Variants in TMEM117 observed in about 807,000 individuals in gnomAD.
TMEM117 encodes the protein transmembrane protein 117.
TMEM117 carries 27 observed loss-of-function variants against 52.4 expected under a neutral mutation model. The ratio of observed to expected loss-of-function variants is 0.51; its 90% CI spans 0.38 to 0.71. The LOEUF is 0.71. Ranked by LOEUF, TMEM117 falls within the 30% of genes least tolerant of loss-of-function variation. The probability of loss-of-function intolerance (pLI) is 0.00; values close to 1 mark genes in which losing one functional copy is unlikely to be tolerated. For synonymous variants in TMEM117, 215 were observed against 206.3 expected, an observed-to-expected ratio of 1.04 and a Z score of -0.36; for missense variants, 556 against 630.5, an observed-to-expected ratio of 0.88 and a Z score of 1.26.
At chr12:44,214,835 G>A (rs1372503400) in intron 5 of TMEM117, among the ~76,000 whole-genome samples, 2 of 151,964 alleles carry the variant, frequency 1.3e-5, no homozygotes, top group African/African-American at 4.8e-5. Context: ...AAAAGCTGAT[G>A]GAAAAAGTTG....
intron 2 of TMEM117, among the ~76,000 whole-genome samples, chr12:43,856,159 T>C (rs1197936230): frequency 6.6e-6 from 1 of 152,204 alleles, no homozygotes; most frequent in Non-Finnish European, 1.5e-5. Context: ...AAGGACTTTT[T>C]TGGGGAAATT....
intron 6 of TMEM117, among the ~76,000 whole-genome samples, chr12:44,302,580 C>G (rs1449763726): frequency 6.6e-6 from 1 of 152,200 alleles, no homozygotes; most frequent in Admixed American, 6.5e-5. Flanking sequence ...ATCAATATGT[C>G]ACTTTTTCCT....
intron 4 of TMEM117, among the ~76,000 whole-genome samples, chr12:44,180,125 A>G (rs1217066247): frequency 6.6e-6 from 1 of 152,082 alleles, no homozygotes; most frequent in Non-Finnish European, 1.5e-5. Flanking sequence ...GGCACCAAAA[A>G]ATGTGGCCCC....
At chr12:44,062,544 T>C (rs748720572) in intron 3 of TMEM117, among the ~76,000 whole-genome samples, 1 of 152,234 alleles carries the variant, frequency 6.6e-6, no homozygotes, top group Non-Finnish European at 1.5e-5. Context: ...AGAATGTTGC[T>C]GATGATGGGC....
chr12:43,888,923 A>C (rs1794283633), intron 2 of TMEM117, among the ~76,000 whole-genome samples: 1 of 152,012 alleles, frequency 6.6e-6, no homozygotes, highest in Non-Finnish European at 1.5e-5. Context: ...GAAACTGAGG[A>C]TCAGAGATTA....
rs1408342645 is a variant in TMEM117 at position 43,836,122 on chromosome 12, C to G, written c.-103C>G. 1 of 151,970 alleles carries G rather than the reference C, an allele frequency of 6.6e-6. No individual in the cohort carries two copies. Among genetic ancestry groups the G allele is most frequent in the Non-Finnish European group, 1.5e-5 (1 of 68,032 alleles). The allele number at this position is 151,970 out of a possible 1,614,324, so 9.4% of individuals were successfully genotyped here. On this transcript the variant is annotated 5_prime_UTR_variant, in exon 1 of 8. Transcript: ENST00000266534. The stretch of plus-strand genomic sequence containing the variant: ...CGTCTCGCCGCGCTTCCCAGCGAGG[C>G]CGCCGGCGCGCCGAGGGCTGTGCTC...
chr12:43,850,906 G>C (rs978811227), intron 2 of TMEM117, among the ~76,000 whole-genome samples: 1 of 152,160 alleles, frequency 6.6e-6, no homozygotes, highest in Non-Finnish European at 1.5e-5. Context: ...TTGTGTGTAT[G>C]TTGGGAGGAA....
chr12:44,114,419 T>A (rs190213036), intron 3 of TMEM117, among the ~76,000 whole-genome samples: 1 of 152,268 alleles, frequency 6.6e-6, no homozygotes, highest in East Asian at 1.9e-4. Flanking sequence ...TTTAGGACTG[T>A]ATTTTAGCTT....
intron 5 of TMEM117, among the ~76,000 whole-genome samples, chr12:44,265,163 TATATAACGAGAAGCCAGTAAAGGAA>T (rs973494892): frequency 9.9e-5 from 15 of 152,168 alleles, no homozygotes. Context: ...AGCGGAACAC[TATATAACGAGAAGCCAGTAAAGGAA>T]AGAGACCAAC....
At chr12:44,097,562 G>A (rs922602476) in intron 3 of TMEM117, among the ~76,000 whole-genome samples, 1 of 151,998 alleles carries the variant, frequency 6.6e-6, no homozygotes, top group African/African-American at 2.4e-5. Context: ...CATGTTCTTT[G>A]TAGGGACATG....
intron 1 of TMEM117, among the ~76,000 whole-genome samples, chr12:43,841,968 TG>T (rs1412021059): frequency 6.6e-6 from 1 of 152,240 alleles, no homozygotes; most frequent in African/African-American, 2.4e-5. Flanking sequence ...AACAGCAGCC[TG>T]TAATAACAGC....
chr12:44,041,720 C>CA (rs1427560422), intron 3 of TMEM117, among the ~76,000 whole-genome samples: 1 of 152,076 alleles, frequency 6.6e-6, no homozygotes, highest in Non-Finnish European at 1.5e-5. Flanking sequence ...CAAAATTCCT[C>CA]AAAAAATATT....
At chr12:43,798,616 A>G in the TMEM117 span, 5 of 1,501,838 alleles carry the variant, frequency 3.3e-6, no homozygotes, top group Non-Finnish European at 4.4e-6. Flanking sequence ...AAACTATCAA[A>G]CTCGTAAAAA....
At chr12:44,164,808 G>A (rs547053877) in intron 4 of TMEM117, among the ~76,000 whole-genome samples, 20 of 152,228 alleles carry the variant, frequency 1.3e-4, no homozygotes, top group African/African-American at 4.8e-4. Flanking sequence ...TACAATATTT[G>A]TACATACTTA....
chr12:43,971,095 CT>C (rs1389295125), intron 3 of TMEM117, among the ~76,000 whole-genome samples: 1 of 151,986 alleles, frequency 6.6e-6, no homozygotes. Flanking sequence ...GTTGTTCATT[CT>C]TTTTTTTCTT....
chr12:44,373,748 C>T (rs1951897414), intron 6 of TMEM117, among the ~76,000 whole-genome samples: 1 of 142,124 alleles, frequency 7.0e-6, no homozygotes, highest in East Asian at 2.2e-4. Context: ...CCTGAGGTTT[C>T]ACCAGCCTAG....
At chr12:44,206,550 G>A (rs1005069688) in intron 4 of TMEM117, among the ~76,000 whole-genome samples, 4 of 152,172 alleles carry the variant, frequency 2.6e-5, no homozygotes, top group Admixed American at 2.6e-4. Context: ...ATAGCAAGAT[G>A]TGGAATCAAC....
the TMEM117 span, among the ~76,000 whole-genome samples, chr12:43,806,933 C>T: frequency 6.6e-6 from 1 of 152,172 alleles, no homozygotes; most frequent in African/African-American, 2.4e-5. Context: ...GAGTATCCCT[C>T]TGTGGTCGAT....
At chr12:44,358,488 C>G (rs2138801539) in intron 6 of TMEM117, among the ~76,000 whole-genome samples, 1 of 152,174 alleles carries the variant, frequency 6.6e-6, no homozygotes, top group East Asian at 1.9e-4. Context: ...ACCTCTAATT[C>G]TACTCAGAGA....
Sources: gnomAD v4.1 joint callset for allele counts (sites outside exome capture counted in the v4.1 genomes callset) on GRCh38, gnomAD v4.1.1 for gene constraint, MANE v1.5 for transcripts, NCBI Gene and HGNC (gene_info 2026-07-23, HGNC 2026-07-21) for gene names.